The following EXT1 variants were observed in gnomAD, a reference collection of about 807,000 sequenced individuals.
EXT1 encodes exostosin glycosyltransferase 1.
EXT1 carries 20 observed loss-of-function variants against 82.5 expected under a neutral mutation model. The ratio of observed to expected loss-of-function variants is 0.24; its 90% CI spans 0.17 to 0.35. The LOEUF is 0.35. Among genes scored for constraint, EXT1 ranks in the 10% least tolerant of loss-of-function variants. The probability of loss-of-function intolerance (pLI) is 1.00; values close to 1 mark genes in which losing one functional copy is unlikely to be tolerated. For missense variants in EXT1, 757 were observed against 936.5 expected, an observed-to-expected ratio of 0.81 and a Z score of 2.50; for synonymous variants, 348 against 350.8, an observed-to-expected ratio of 0.99 and a Z score of 0.09.
intron 1 of EXT1, among the ~76,000 whole-genome samples, chr8:118,039,389 G>A (rs1024700118): frequency 2.0e-5 from 3 of 151,424 alleles, no homozygotes; most frequent in Non-Finnish European, 4.4e-5. Flanking sequence ...GTGAAACCCC[G>A]TCTCTACTAA....
At chr8:117,829,573 T>C (rs1010144593) in intron 4 of EXT1, among the ~76,000 whole-genome samples, 19 of 118,770 alleles carry the variant, frequency 1.6e-4, no homozygotes, top group East Asian at 5.0e-4. Flanking sequence ...ATTTTTCTTT[T>C]TTTTTTTTTT....
At chr8:117,984,343 T>C (rs1210080867) in intron 1 of EXT1, among the ~76,000 whole-genome samples, 4 of 150,812 alleles carry the variant, frequency 2.7e-5, no homozygotes, top group East Asian at 2.0e-4. Context: ...CGCTTGAACC[T>C]GGGGTGCAGG....
intron 1 of EXT1, among the ~76,000 whole-genome samples, chr8:118,073,632 A>AAAG: frequency 1.1e-5 from 1 of 89,532 alleles, no homozygotes; most frequent in South Asian, 4.1e-4. Flanking sequence ...AGAGAAGAGA[A>AAAG]AGAAGAGAAG....
rs148042024 is a variant in EXT1 at position 117,924,389 on chromosome 8, G to T, written c.963-87188C>A. On this transcript the variant is annotated intron_variant, in intron 1 of 10. Coordinates refer to ENST00000378204, the MANE Select transcript of EXT1 (RefSeq NM_000127.3). ...ATTTTTGGCTGCTATAAAAGCCAAC[G>T]GGAACAATGCTAAATGAATGGGAAT... Among the ~76,000 whole-genome samples, 52 of 152,272 alleles carry T rather than the reference G, an allele frequency of 3.4e-4. 1 individual carries two copies. Among genetic ancestry groups the T allele is most frequent in the African/African-American group, 1.1e-3 (47 of 41,550 alleles).
At chr8:118,010,308 C>T (rs1027759911) in intron 1 of EXT1, among the ~76,000 whole-genome samples, 1 of 146,256 alleles carries the variant, frequency 6.8e-6, no homozygotes, top group African/African-American at 2.6e-5. Flanking sequence ...GGAGACGGAG[C>T]TTGCAGTGAG....
intron 1 of EXT1, among the ~76,000 whole-genome samples, chr8:117,945,550 G>A (rs1324927607): frequency 6.6e-6 from 1 of 152,122 alleles, no homozygotes; most frequent in Admixed American, 6.6e-5. Flanking sequence ...TGCCCAGGCT[G>A]GAGGGCAGTG....
Position 117,812,959 on chromosome 8 carries a change from A to G in EXT1, c.1635T>C (p.Val545=). 6.2e-7 allele frequency: 1 copy of G among 1,613,510 alleles called. No individual in the cohort carries two copies. The highest frequency in any genetic ancestry group is 8.5e-7 in the Non-Finnish European group (1 of 1,179,752). ...CGTAGGGCAGAAAACGGCTGCTCAT[A>G]ACCTGGGAGGAAGTAGAAGTAGGCA... ...PVVVIEGESK[V]MSSRFLPYDN... The change falls in exon 8 of 11, where the codon GTT becomes GTC. Residue 545 remains valine, a splice_region_variant and synonymous_variant. Transcript: ENST00000378204.
chr8:117,965,391 C>T (rs1814788146), intron 1 of EXT1, among the ~76,000 whole-genome samples: 1 of 151,342 alleles, frequency 6.6e-6, no homozygotes, highest in Admixed American at 6.6e-5. Context: ...TGGAATATTC[C>T]CTTAGCATCA....
At chr8:118,041,949 G>GAA (rs1195365553) in intron 1 of EXT1, among the ~76,000 whole-genome samples, 2 of 45,976 alleles carry the variant, frequency 4.4e-5, no homozygotes, top group Non-Finnish European at 1.2e-4. Flanking sequence ...CTCTGCCTCA[G>GAA]AAAAAAAAAA....
chr8:117,809,979 A>G (rs1405728795), intron 8 of EXT1, among the ~76,000 whole-genome samples: 8 of 152,310 alleles, frequency 5.3e-5, no homozygotes. Flanking sequence ...ATTTCTTACT[A>G]TCTTAAGGCT....
intron 1 of EXT1, among the ~76,000 whole-genome samples, chr8:117,928,804 G>C (rs1169700062): frequency 6.6e-6 from 1 of 151,710 alleles, no homozygotes; most frequent in Non-Finnish European, 1.5e-5. Context: ...CTACAGAGTA[G>C]GATTTTTTTA....
chr8:117,860,146 CAAAAAAAAAAA>C (rs34399339), intron 1 of EXT1, among the ~76,000 whole-genome samples: 2 of 76,896 alleles, frequency 2.6e-5, no homozygotes, highest in Non-Finnish European at 4.6e-5. Context: ...GATTCTATCT[CAAAAAAAAAAA>C]AAAAAAAAAA....
intron 1 of EXT1, among the ~76,000 whole-genome samples, chr8:118,017,659 G>A (rs758416315): frequency 1.3e-4 from 20 of 152,306 alleles, no homozygotes; most frequent in Middle Eastern, 3.4e-3. Flanking sequence ...TACATTTTTA[G>A]TTATAACCCC....
chr8:117,831,017 G>C (rs984144968), intron 3 of EXT1, among the ~76,000 whole-genome samples: 2 of 152,150 alleles, frequency 1.3e-5, no homozygotes, highest in Non-Finnish European at 2.9e-5. Context: ...CCTATATCTT[G>C]TTATCCTGCT....
In EXT1 at chr8:117,804,792, G is replaced by A. The variant is rs769638712; in HGVS notation, c.1985C>T (p.Ser662Phe). The A allele has an allele frequency of 6.2e-7, 1 of 1,614,126 alleles. No individual in the cohort carries two copies. The change falls in exon 10 of 11, where the codon TCT becomes TTT. Residue 662 changes from serine to phenylalanine, a missense_variant. Physicochemically the swap from Ser to Phe is radical, Grantham distance 155. Transcript: ENST00000378204. ...CEDILMNFLV[S>F]AVTKLPPIKV... is the part of the protein sequence containing the mutation. The stretch of plus-strand genomic sequence containing the variant: ...GATTGGAGGCAATTTTGTCACAGCA[G>A]ACACCAGGAAGTTCATGAGAATGTC...
At chr8:118,097,589 C>T (rs17506336) in intron 1 of EXT1, among the ~76,000 whole-genome samples, 4,533 of 152,290 alleles carry the variant, frequency 0.03, 210 homozygotes, top group African/African-American at 0.092. Context: ...CCTTAACCCA[C>T]TTCCATACGT....
In EXT1 at chr8:118,111,375, G is replaced by C. The variant is rs560601967; in HGVS notation, c.-329C>G. The C allele has an allele frequency of 2.0e-5, 11 of 554,082 alleles. No individual in the cohort carries two copies. The highest frequency in any genetic ancestry group is 5.7e-5 in the African/African-American group (3 of 52,730). 34.3% of individuals were successfully genotyped at this position (554,082 alleles called of 1,614,324 possible). A position where few individuals can be genotyped will look rare whatever the true frequency, so the allele number is the denominator to read the frequency against. On this transcript the variant is annotated 5_prime_UTR_variant, in exon 1 of 11. Transcript: ENST00000378204. ...GACGGAGGAAAAGAAAGAGAGAGGG[G>C]AGAAAAAAAAAGCTCCCGATACCCA...
At chr8:117,820,721 A>G (rs1811909472) in intron 5 of EXT1, among the ~76,000 whole-genome samples, 1 of 152,102 alleles carries the variant, frequency 6.6e-6, no homozygotes, top group Admixed American at 6.5e-5. Context: ...AACTTAATGC[A>G]TACAAAGCAC....
At position 117,885,949 on chromosome 8, in the gene EXT1, G is replaced by C. The variant is rs191489569; in HGVS notation, c.963-48748C>G. On this transcript the variant is annotated intron_variant, in intron 1 of 10. Coordinates refer to ENST00000378204, the MANE Select transcript of EXT1 (RefSeq NM_000127.3). ...TGGCAGGAGATCCTAGAGTATGGTG[G>C]AATGAGCTTAGAATTTTGAGCCTAT... Among the ~76,000 whole-genome samples the C allele has an allele frequency of 2.6e-4, 40 of 152,256 alleles. 1 individual carries two copies. Among genetic ancestry groups the C allele is most frequent in the Admixed American group, 2.4e-3 (36 of 15,286 alleles).
Sources: allele counts gnomAD v4.1 joint callset (sites outside exome capture counted in the v4.1 genomes callset), GRCh38; gene constraint gnomAD v4.1.1; transcripts MANE v1.5; gene names NCBI Gene and HGNC (gene_info 2026-07-23, HGNC 2026-07-21).